Variants in PDE1A observed in about 807,000 individuals in gnomAD.
PDE1A encodes the protein phosphodiesterase 1A, also known as dual specificity calcium/calmodulin-dependent 3',5'-cyclic nucleotide phosphodiesterase 1A.
A neutral mutation model predicts 61.7 loss-of-function variants in PDE1A; 35 were observed. The observed-to-expected ratio is 0.57, with a 90% CI of 0.43 to 0.75. The LOEUF (loss-of-function observed/expected upper bound fraction) is 0.75, where lower values mean the gene tolerates loss of function less well. PDE1A is among the 30% of genes least tolerant of loss of function. The pLI is 0.00. For synonymous variants in PDE1A, 232 were observed against 213.2 expected (o/e 1.09, Z -0.77); for missense variants, 597 against 630.6 (o/e 0.95, Z 0.57).
the PDE1A span, among the ~76,000 whole-genome samples, chr2:182,621,058 A>G: frequency 6.6e-6 from 1 of 152,146 alleles, no homozygotes; most frequent in Non-Finnish European, 1.5e-5. Flanking sequence ...CACAGAAATT[A>G]TCTCTGGAAG....
At chr2:182,384,560 T>C (rs1380589124) in intron 1 of PDE1A, among the ~76,000 whole-genome samples, 3 of 150,618 alleles carry the variant, frequency 2.0e-5, no homozygotes, top group African/African-American at 7.3e-5. Context: ...GAGAGTAAAT[T>C]AATGAAGTAG....
At chr2:182,673,293 C>T in the PDE1A span, among the ~76,000 whole-genome samples, 1 of 152,116 alleles carries the variant, frequency 6.6e-6, no homozygotes, top group African/African-American at 2.4e-5. Flanking sequence ...TTCATCTGAA[C>T]ATGTGAGTTA....
chr2:182,325,439 G>A (rs1269213579), intron 1 of PDE1A, among the ~76,000 whole-genome samples: 2 of 151,640 alleles, frequency 1.3e-5, no homozygotes, highest in African/African-American at 4.8e-5. Context: ...CAAAAACATG[G>A]GTAATGAAAC....
intron 1 of PDE1A, among the ~76,000 whole-genome samples, chr2:182,268,656 C>T (rs1692802249): frequency 6.6e-6 from 1 of 152,060 alleles, no homozygotes; most frequent in South Asian, 2.1e-4. Context: ...CTCAAAAACC[C>T]TCACATCATC....
At chr2:182,194,438 C>A (rs1685966375) in intron 10 of PDE1A, among the ~76,000 whole-genome samples, 1 of 152,254 alleles carries the variant, frequency 6.6e-6, no homozygotes, top group African/African-American at 2.4e-5. Flanking sequence ...TCCTCCAAAT[C>A]TACCCATTAC....
chr2:182,620,199 A>G, the PDE1A span, among the ~76,000 whole-genome samples: 2,027 of 152,278 alleles, frequency 0.013, 30 homozygotes, highest in African/African-American at 0.045. Flanking sequence ...TTAATAAATA[A>G]CAATTAATTG....
At chr2:182,378,825 C>T (rs1442894679) in intron 1 of PDE1A, among the ~76,000 whole-genome samples, 2 of 152,160 alleles carry the variant, frequency 1.3e-5, no homozygotes, top group East Asian at 3.8e-4. Context: ...GAAAATCCTG[C>T]TGTTTTGTTA....
the PDE1A span, among the ~76,000 whole-genome samples, chr2:182,539,493 C>T: frequency 5.9e-5 from 9 of 152,204 alleles, no homozygotes; most frequent in African/African-American, 1.9e-4. Flanking sequence ...AGCATAACTC[C>T]ACTAGCTTTC....
intron 2 of PDE1A, among the ~76,000 whole-genome samples, chr2:182,440,747 T>C (rs1404916766): frequency 6.6e-6 from 1 of 151,880 alleles, no homozygotes; most frequent in African/African-American, 2.4e-5. Flanking sequence ...TTTTCTCTTC[T>C]ACTTTAAAAT....
intron 2 of PDE1A, among the ~76,000 whole-genome samples, chr2:182,520,818 G>A (rs1051638107): frequency 1.3e-5 from 2 of 151,910 alleles, no homozygotes; most frequent in African/African-American, 2.4e-5. Flanking sequence ...CCACTCATTA[G>A]GCTAAAACAC....
chr2:182,380,382 G>A (rs1380881528), intron 1 of PDE1A, among the ~76,000 whole-genome samples: 2 of 151,630 alleles, frequency 1.3e-5, no homozygotes, highest in East Asian at 3.9e-4. Flanking sequence ...AAAGTGCTGG[G>A]ATTACAGGCG....
chr2:182,688,797 A>G, the PDE1A span, among the ~76,000 whole-genome samples: 1 of 152,248 alleles, frequency 6.6e-6, no homozygotes, highest in Non-Finnish European at 1.5e-5. Context: ...TCACATGCAG[A>G]GACACACATG....
intron 1 of PDE1A, among the ~76,000 whole-genome samples, chr2:182,329,633 C>A (rs1348142331): frequency 1.3e-5 from 2 of 152,144 alleles, no homozygotes; most frequent in Non-Finnish European, 2.9e-5. Context: ...TCAGGTGATC[C>A]ACTGGCCTCA....
At chr2:182,703,482 C>G in the PDE1A span, among the ~76,000 whole-genome samples, 1 of 152,258 alleles carries the variant, frequency 6.6e-6, no homozygotes, top group African/African-American at 2.4e-5. Context: ...GGACCCAGCT[C>G]CCGGGTTGGG....
chr2:182,604,271 C>T, the PDE1A span, among the ~76,000 whole-genome samples: 1 of 152,132 alleles, frequency 6.6e-6, no homozygotes, highest in African/African-American at 2.4e-5. Context: ...GCTTAGATAA[C>T]CTGTCTAATT....
intron 10 of PDE1A, among the ~76,000 whole-genome samples, chr2:182,200,260 C>G (rs1686504546): frequency 6.6e-6 from 1 of 152,194 alleles, no homozygotes; most frequent in African/African-American, 2.4e-5. Flanking sequence ...TGAGGCAACT[C>G]TGGGCCTATC....
At chr2:182,601,969 C>A in the PDE1A span, among the ~76,000 whole-genome samples, 1 of 152,200 alleles carries the variant, frequency 6.6e-6, no homozygotes, top group Admixed American at 6.5e-5. Context: ...ACTGGCAGCC[C>A]AGCCCCCAGC....
intron 3 of PDE1A, among the ~76,000 whole-genome samples, chr2:182,238,179 G>T (rs1690192314): frequency 6.8e-6 from 1 of 147,794 alleles, no homozygotes; most frequent in Admixed American, 6.9e-5. Context: ...TGAGGCAGGA[G>T]AATCACTTGA....
chr2:182,382,891 C>T (rs562393548), intron 1 of PDE1A, among the ~76,000 whole-genome samples: 19 of 152,132 alleles, frequency 1.2e-4, no homozygotes, highest in African/African-American at 4.6e-4. Flanking sequence ...AATTAAAAGT[C>T]TGAAAAGCAT....
Sources: allele counts gnomAD v4.1 joint callset (sites outside exome capture counted in the v4.1 genomes callset), GRCh38; gene constraint gnomAD v4.1.1; transcripts MANE v1.5; gene names NCBI Gene and HGNC (gene_info 2026-07-23, HGNC 2026-07-21).